Variants in ARHGAP24 observed in about 807,000 individuals in gnomAD.
ARHGAP24 encodes the protein Rho GTPase activating protein 24, also known as rho GTPase-activating protein 24.
A neutral mutation model predicts 76.4 loss-of-function variants in ARHGAP24; 50 were observed. That is an observed-to-expected ratio of 0.65 (90% confidence interval 0.52 to 0.83). ARHGAP24 has a LOEUF of 0.83. Ranked by LOEUF, ARHGAP24 falls within the 40% of genes least tolerant of loss-of-function variation. The pLI is 0.00. For missense variants in ARHGAP24, 930 were observed against 914.2 expected, an observed-to-expected ratio of 1.02 and a Z score of -0.22; for synonymous variants, 345 against 323.3, an observed-to-expected ratio of 1.07 and a Z score of -0.72.
At chr4:85,822,897 G>A (rs905095892) in intron 3 of ARHGAP24, among the ~76,000 whole-genome samples, 1 of 151,978 alleles carries the variant, frequency 6.6e-6, no homozygotes, top group South Asian at 2.1e-4. Context: ...TTATATTATA[G>A]GACAGCAGCA....
intron 1 of ARHGAP24, among the ~76,000 whole-genome samples, chr4:85,519,333 G>T (rs1027653335): frequency 6.6e-6 from 1 of 152,080 alleles, no homozygotes; most frequent in African/African-American, 2.4e-5. Flanking sequence ...TCTAAGGGAA[G>T]AAACTAAGGC....
intron 5 of ARHGAP24, among the ~76,000 whole-genome samples, chr4:85,965,068 T>C (rs945276731): frequency 2.6e-5 from 4 of 152,090 alleles, no homozygotes; most frequent in Admixed American, 2.6e-4. Flanking sequence ...CTGGGCACTA[T>C]ATTAGTCTGT....
intron 2 of ARHGAP24, among the ~76,000 whole-genome samples, chr4:85,628,695 A>G (rs1330932561): frequency 6.6e-6 from 1 of 152,146 alleles, no homozygotes; most frequent in Non-Finnish European, 1.5e-5. Flanking sequence ...TTGGCTTTAC[A>G]TGTATTTACA....
intron 2 of ARHGAP24, among the ~76,000 whole-genome samples, chr4:85,616,404 TATG>T (rs1319068411): frequency 2.6e-5 from 4 of 152,220 alleles, no homozygotes; most frequent in African/African-American, 4.8e-5. Context: ...TTTAATAACT[TATG>T]ATGATCTTAT....
At position 85,489,099 on chromosome 4, in the gene ARHGAP24, C is replaced by T. The variant is rs550941646; in HGVS notation, c.-21+13540C>T. Among the ~76,000 whole-genome samples the T allele has an allele frequency of 2.0e-5, 3 of 152,242 alleles. No homozygotes were observed. In the South Asian group the frequency reaches 6.2e-4, roughly 32 times the overall value. On this transcript the variant is annotated intron_variant, in intron 1 of 9. Transcript: ENST00000395184. ...TTCAATTAATTCAGCCTTCAAACCA[C>T]ATCAGAATTGTACATTATTTTATGA...
At chr4:85,934,397 CTA>C (rs1410634735) in intron 4 of ARHGAP24, among the ~76,000 whole-genome samples, 22 of 152,340 alleles carry the variant, frequency 1.4e-4, no homozygotes, top group African/African-American at 5.1e-4. Flanking sequence ...TCTCCATTGT[CTA>C]TCTCAACTTT....
chr4:85,779,238 A>G (rs1462535957), intron 3 of ARHGAP24, among the ~76,000 whole-genome samples: 1 of 152,054 alleles, frequency 6.6e-6, no homozygotes, highest in Non-Finnish European at 1.5e-5. Context: ...TCTTTGTTGT[A>G]TCTTGTCATG....
At chr4:85,750,930 G>A (rs1486460570) in intron 3 of ARHGAP24, among the ~76,000 whole-genome samples, 12 of 152,174 alleles carry the variant, frequency 7.9e-5, no homozygotes, top group Admixed American at 7.9e-4. Flanking sequence ...GTATCAAAGA[G>A]TGTTTTCTTT....
intron 1 of ARHGAP24, among the ~76,000 whole-genome samples, chr4:85,512,705 G>C (rs1724330783): frequency 6.6e-6 from 1 of 152,110 alleles, no homozygotes; most frequent in Admixed American, 6.5e-5. Context: ...TCCATAACTT[G>C]TCACAAAAAT....
At chr4:85,932,808 C>T (rs1420145129) in intron 4 of ARHGAP24, among the ~76,000 whole-genome samples, 2 of 152,176 alleles carry the variant, frequency 1.3e-5, no homozygotes, top group Non-Finnish European at 2.9e-5. Context: ...CCTTTCCATT[C>T]TCTGGAGCCC....
At chr4:85,538,028 A>G (rs937354970) in intron 1 of ARHGAP24, among the ~76,000 whole-genome samples, 22 of 151,992 alleles carry the variant, frequency 1.4e-4, no homozygotes, top group Non-Finnish European at 1.0e-4. Context: ...AATCCAAGAA[A>G]AAAAAAAACA....
intron 8 of ARHGAP24, among the ~76,000 whole-genome samples, chr4:85,989,662 C>T (rs1740208401): frequency 6.6e-6 from 1 of 151,542 alleles, no homozygotes; most frequent in African/African-American, 2.4e-5. Context: ...ATTGACTTCA[C>T]CATATAAAAA....
intron 3 of ARHGAP24, among the ~76,000 whole-genome samples, chr4:85,865,618 G>C (rs1732155893): frequency 6.7e-6 from 1 of 148,614 alleles, no homozygotes; most frequent in East Asian, 1.9e-4. Context: ...TATAATTAGG[G>C]AATGTACATT....
intron 2 of ARHGAP24, among the ~76,000 whole-genome samples, chr4:85,581,004 T>A (rs1727586597): frequency 6.6e-6 from 1 of 152,198 alleles, no homozygotes; most frequent in Non-Finnish European, 1.5e-5. Context: ...ATAAATCAAA[T>A]GTACCTACTT....
At chr4:85,611,516 C>T (rs1468683725) in intron 2 of ARHGAP24, among the ~76,000 whole-genome samples, 1 of 152,118 alleles carries the variant, frequency 6.6e-6, no homozygotes, top group Admixed American at 6.5e-5. Context: ...GTGTTTAGCA[C>T]TTTCTTTTTT....
intron 3 of ARHGAP24, among the ~76,000 whole-genome samples, chr4:85,752,144 A>T (rs1726287790): frequency 6.6e-6 from 1 of 152,222 alleles, no homozygotes; most frequent in African/African-American, 2.4e-5. Flanking sequence ...CACTTCAGTC[A>T]TCTAACAGGT....
chr4:85,854,343 G>A (rs1245637143), intron 3 of ARHGAP24, among the ~76,000 whole-genome samples: 2 of 152,014 alleles, frequency 1.3e-5, no homozygotes, highest in Non-Finnish European at 2.9e-5. Flanking sequence ...CAATATTTAG[G>A]TTCAAAGGCC....
intron 3 of ARHGAP24, among the ~76,000 whole-genome samples, chr4:85,740,038 G>A (rs1413328657): frequency 1.3e-5 from 2 of 152,076 alleles, no homozygotes; most frequent in African/African-American, 4.8e-5. Context: ...TTTTCAGATC[G>A]ATGGCCTTTC....
intron 3 of ARHGAP24, among the ~76,000 whole-genome samples, chr4:85,858,650 C>A (rs1731718146): frequency 6.6e-6 from 1 of 151,960 alleles, no homozygotes; most frequent in African/African-American, 2.4e-5. Context: ...GTTGGCTTTG[C>A]CTCTGTAGAC....
Sources: gnomAD v4.1 joint callset for allele counts (sites outside exome capture counted in the v4.1 genomes callset) on GRCh38, gnomAD v4.1.1 for gene constraint, MANE v1.5 for transcripts, NCBI Gene and HGNC (gene_info 2026-07-23, HGNC 2026-07-21) for gene names.